Variants in PKIG observed in about 807,000 individuals in gnomAD.
The protein encoded by PKIG is protein kinase (cAMP-dependent, catalytic) inhibitor gamma.
PKIG carries 1 observed loss-of-function variant against 6.8 expected under a neutral mutation model. The ratio of observed to expected loss-of-function variants is 0.15; its 90% CI spans 0.05 to 0.69. The LOEUF is 0.69. Ranked by LOEUF, PKIG falls within the 30% of genes least tolerant of loss-of-function variation. PKIG has a pLI of 0.82. For synonymous variants in PKIG, 39 were observed against 43.0 expected (o/e 0.91, Z 0.36); for missense variants, 77 against 104.0 (o/e 0.74, Z 1.13).
In PKIG at chr20:44,542,177, A is replaced by G. The variant is rs536317298; in HGVS notation, c.-241+10199A>G. Among the ~76,000 whole-genome samples the G allele has an allele frequency of 7.9e-5, 12 of 152,342 alleles. No homozygotes were observed. In the East Asian group the frequency reaches 2.3e-3, roughly 29 times the overall value. On this transcript the variant is annotated intron_variant, in intron 1 of 4. Coordinates refer to the PKIG transcript ENST00000372887. ...AGAACTCATAGGAATGCAGAGTTGT[A>G]TGATGAGAAGAACAAGAACTTGGGT...
chr20:44,607,645 G>T lies in PKIG; in HGVS notation c.-23-6889G>T, dbSNP rs1199145840. Among the ~76,000 whole-genome samples the T allele has an allele frequency of 3.4e-5, 5 of 148,556 alleles. No homozygotes were observed. The Admixed American group carries it at 3.4e-4, about 10-fold the overall frequency. Reference sequence around the variant, plus strand: ...ACCCGCCTCAGCCTCCCAAAGCCAAGACACATTTTTAAATGAAAAAAAGGC... The same window carrying T: ...ACCCGCCTCAGCCTCCCAAAGCCAATACACATTTTTAAATGAAAAAAAGGC... On this transcript the variant is annotated intron_variant, in intron 2 of 3. Transcript: ENST00000372886.
At chr20:44,581,228 T>A (rs2064945533), upstream of PKIG, among the ~76,000 whole-genome samples, 1 of 152,226 alleles carries the variant, frequency 6.6e-6, no homozygotes, top group Non-Finnish European at 1.5e-5. Context: ...TAATGTAGCC[T>A]CATAGCACTT....
intron 1 of PKIG, among the ~76,000 whole-genome samples, chr20:44,539,157 G>T (rs1476031853): frequency 6.6e-6 from 1 of 152,120 alleles, no homozygotes; most frequent in East Asian, 1.9e-4. Flanking sequence ...TCGAACTCCT[G>T]ACCTCAGGTG....
At chr20:44,558,007 C>A (rs954824276) in intron 1 of PKIG, among the ~76,000 whole-genome samples, 2 of 151,124 alleles carry the variant, frequency 1.3e-5, no homozygotes, top group Non-Finnish European at 2.9e-5. Context: ...TATAAGATAA[C>A]CCCCATAAAA....
chr20:44,602,357 C>A (rs2065128313), intron 2 of PKIG, among the ~76,000 whole-genome samples: 1 of 152,210 alleles, frequency 6.6e-6, no homozygotes, highest in African/African-American at 2.4e-5. Context: ...AGAACCCTCT[C>A]CTCTTCTCCC....
chr20:44,610,257 G>A (rs747676369), intron 2 of PKIG, among the ~76,000 whole-genome samples: 2 of 152,172 alleles, frequency 1.3e-5, no homozygotes, highest in Non-Finnish European at 2.9e-5. Flanking sequence ...GAAAGGCAGG[G>A]TCTTGCCCAG....
intron 1 of PKIG, among the ~76,000 whole-genome samples, chr20:44,567,986 A>C (rs2064824040): frequency 6.6e-6 from 1 of 152,194 alleles, no homozygotes; most frequent in South Asian, 2.1e-4. Flanking sequence ...TCTCACAAAA[A>C]AAATACAAAA....
intron 1 of PKIG, among the ~76,000 whole-genome samples, chr20:44,583,107 T>C (rs1294879188): frequency 6.6e-6 from 1 of 152,230 alleles, no homozygotes; most frequent in Non-Finnish European, 1.5e-5. Context: ...GGTATAATAA[T>C]TTTTAAACAT....
At chr20:44,573,581 A>T (rs981338464) in intron 1 of PKIG, among the ~76,000 whole-genome samples, 1 of 152,234 alleles carries the variant, frequency 6.6e-6, no homozygotes, top group Non-Finnish European at 1.5e-5. Context: ...AACAAATGGA[A>T]TGCAAAGGAG....
chr20:44,596,016 A>G, intron 2 of PKIG, among the ~76,000 whole-genome samples: 1 of 152,028 alleles, frequency 6.6e-6, no homozygotes, highest in East Asian at 1.9e-4. Context: ...CATTGTTATT[A>G]TTTATTTGGT....
chr20:44,538,066 G>T (rs377078565), intron 1 of PKIG, among the ~76,000 whole-genome samples: 2 of 152,024 alleles, frequency 1.3e-5, no homozygotes, highest in South Asian at 2.1e-4. Context: ...ACAATATAAG[G>T]TATACAGTGT....
intron 1 of PKIG, among the ~76,000 whole-genome samples, chr20:44,536,510 A>C (rs1459082412): frequency 1.3e-5 from 2 of 152,146 alleles, no homozygotes; most frequent in Non-Finnish European, 2.9e-5. Context: ...ACAGGACTTG[A>C]CCAACAAGAG....
At chr20:44,569,671 A>C (rs2064838592) in intron 1 of PKIG, among the ~76,000 whole-genome samples, 1 of 151,974 alleles carries the variant, frequency 6.6e-6, no homozygotes, top group Admixed American at 6.6e-5. Flanking sequence ...CAGTGGCGCG[A>C]TCTCGGCTCA....
intron 1 of PKIG, among the ~76,000 whole-genome samples, chr20:44,546,438 G>C (rs979064283): frequency 1.3e-5 from 2 of 152,016 alleles, no homozygotes; most frequent in Non-Finnish European, 2.9e-5. Context: ...GTTATGTATG[G>C]GTTACTGTGT....
rs200306947 is a variant in PKIG, at chr20:44,617,897, T to TAA, written c.152-379_152-378dup. 6.7e-3 allele frequency among the ~76,000 whole-genome samples: 997 copies of TAA among 147,980 alleles called. 11 individuals are homozygous for TAA. The highest frequency in any genetic ancestry group is 0.024 in the East Asian group (122 of 5,000). ...CCGTCTCTACTAAAAATACAAAAAT[T>TAA]AAAAAAAAAACAAACAAACAGAACA... is the stretch of plus-strand genomic sequence containing the variant. On this transcript the variant is annotated intron_variant, in intron 3 of 3. Transcript: ENST00000372886.
intron 2 of PKIG, among the ~76,000 whole-genome samples, chr20:44,613,859 G>T (rs2065240596): frequency 6.6e-6 from 1 of 152,172 alleles, no homozygotes; most frequent in Admixed American, 6.5e-5. Flanking sequence ...GATGTGGTCT[G>T]GCTCCTGCCT....
chr20:44,601,691 A>G (rs2123428999), intron 2 of PKIG, among the ~76,000 whole-genome samples: 1 of 152,298 alleles, frequency 6.6e-6, no homozygotes, highest in South Asian at 2.1e-4. Context: ...CTCCCATAAG[A>G]CCAGGTCCCA....
chr20:44,591,002 T>C (rs1200085413), intron 2 of PKIG, among the ~76,000 whole-genome samples: 1 of 152,220 alleles, frequency 6.6e-6, no homozygotes, highest in Non-Finnish European at 1.5e-5. Context: ...GAGCATCTTC[T>C]ATAAATTGGA....
chr20:44,595,609 G>A (rs568312101), intron 2 of PKIG, among the ~76,000 whole-genome samples: 2 of 152,322 alleles, frequency 1.3e-5, no homozygotes, highest in East Asian at 3.9e-4. Flanking sequence ...CGCCTCCTGG[G>A]TTCAAGCAAT....
Sources: allele counts gnomAD v4.1 joint callset (sites outside exome capture counted in the v4.1 genomes callset), GRCh38; gene constraint gnomAD v4.1.1; transcripts MANE v1.5; gene names NCBI Gene and HGNC (gene_info 2026-07-23, HGNC 2026-07-21).